Variants in ARK2N observed in about 807,000 individuals in gnomAD.
ARK2N encodes protein ARK2N.
chr18:46,225,500 G>T, the ARK2N span, among the ~76,000 whole-genome samples: 2 of 151,902 alleles, frequency 1.3e-5, no homozygotes, highest in Non-Finnish European at 2.9e-5. Flanking sequence ...GCTTTGTCGC[G>T]CAGGCTGGAG....
At chr18:46,208,362 T>C in the ARK2N span, among the ~76,000 whole-genome samples, 1 of 152,170 alleles carries the variant, frequency 6.6e-6, no homozygotes, top group South Asian at 2.1e-4. Context: ...TGATGCCTTT[T>C]TTCGTGATAA....
chr18:46,220,969 C>T, the ARK2N span, among the ~76,000 whole-genome samples: 1 of 151,998 alleles, frequency 6.6e-6, no homozygotes, highest in South Asian at 2.1e-4. Flanking sequence ...AACCTCATCG[C>T]TACTAGAAAT....
chr18:46,186,845 G>T, the ARK2N span, among the ~76,000 whole-genome samples: 1 of 145,260 alleles, frequency 6.9e-6, no homozygotes, highest in Non-Finnish European at 1.5e-5. Flanking sequence ...AACTATTAAA[G>T]AACTTACTAC....
At chr18:46,212,535 G>A in the ARK2N span, among the ~76,000 whole-genome samples, 14 of 151,786 alleles carry the variant, frequency 9.2e-5, no homozygotes, top group Non-Finnish European at 1.6e-4. Flanking sequence ...TTTTTTTAAT[G>A]GCCACATTGT....
At chr18:46,236,387 G>A in the ARK2N span, among the ~76,000 whole-genome samples, 1 of 152,188 alleles carries the variant, frequency 6.6e-6, no homozygotes, top group Non-Finnish European at 1.5e-5. Flanking sequence ...AATTTGATCA[G>A]GAGGAGAAAT....
chr18:46,193,588 C>T, the ARK2N span, among the ~76,000 whole-genome samples: 2 of 131,500 alleles, frequency 1.5e-5, no homozygotes, highest in African/African-American at 2.8e-5. Context: ...TGCGCCCAGC[C>T]GGGTTTTTTT....
the ARK2N span, among the ~76,000 whole-genome samples, chr18:46,262,761 G>T: frequency 1.3e-5 from 2 of 152,172 alleles, no homozygotes; most frequent in East Asian, 3.9e-4. Context: ...GTGGGGTAGG[G>T]AGAGAGGGAG....
the ARK2N span, among the ~76,000 whole-genome samples, chr18:46,231,572 T>C: frequency 6.8e-6 from 1 of 146,156 alleles, no homozygotes; most frequent in East Asian, 2.0e-4. Flanking sequence ...GGGGCTTTTT[T>C]TTTTTTTTTT....
At chr18:46,257,761 A>G in the ARK2N span, among the ~76,000 whole-genome samples, 1 of 151,684 alleles carries the variant, frequency 6.6e-6, no homozygotes, top group Non-Finnish European at 1.5e-5. Flanking sequence ...ACAGATCTGT[A>G]TGTTATGGAA....
the ARK2N span, chr18:46,239,888 G>C: frequency 3.4e-4 from 319 of 932,998 alleles, 2 homozygotes; most frequent in African/African-American, 4.3e-3. Context: ...ATAAAGTGCA[G>C]CTTTTCTGAT....
the ARK2N span, among the ~76,000 whole-genome samples, chr18:46,182,707 A>G: frequency 2.2e-5 from 1 of 45,060 alleles, no homozygotes; most frequent in African/African-American, 9.1e-5. Context: ...TTTTTTTTGC[A>G]TTTGATAACT....
At chr18:46,176,671 G>A in the ARK2N span, among the ~76,000 whole-genome samples, 2 of 151,786 alleles carry the variant, frequency 1.3e-5, no homozygotes, top group East Asian at 3.9e-4. Flanking sequence ...TGTTGCCCAG[G>A]CTGGAGTGCA....
chr18:46,266,222 A>G, the ARK2N span: 1 of 152,522 alleles, frequency 6.6e-6, no homozygotes, highest in Admixed American at 6.5e-5. Flanking sequence ...CACCATAACT[A>G]ACTTAAAACT....
the ARK2N span, among the ~76,000 whole-genome samples, chr18:46,239,589 A>G: frequency 6.6e-6 from 1 of 152,232 alleles, no homozygotes; most frequent in African/African-American, 2.4e-5. Flanking sequence ...TTACCCAGTA[A>G]GAGAAAGAAC....
the ARK2N span, among the ~76,000 whole-genome samples, chr18:46,192,049 T>C: frequency 2.0e-5 from 3 of 152,346 alleles, no homozygotes. Context: ...ATTCACCTAC[T>C]GAAGGATAGT....
the ARK2N span, among the ~76,000 whole-genome samples, chr18:46,251,641 T>A: frequency 6.6e-6 from 1 of 152,254 alleles, no homozygotes; most frequent in Non-Finnish European, 1.5e-5. Context: ...TTGATTATTT[T>A]TCACAGCTTT....
At chr18:46,252,810 G>C in the ARK2N span, among the ~76,000 whole-genome samples, 21 of 152,292 alleles carry the variant, frequency 1.4e-4, no homozygotes, top group Middle Eastern at 3.4e-3. Flanking sequence ...TTTAGCTCTT[G>C]CTAGAATTGT....
At chr18:46,255,741 G>A in the ARK2N span, among the ~76,000 whole-genome samples, 1 of 151,630 alleles carries the variant, frequency 6.6e-6, no homozygotes, top group African/African-American at 2.4e-5. Flanking sequence ...ATGAGCCACC[G>A]CGCTTGGCCT....
chr18:46,182,276 T>C, the ARK2N span, among the ~76,000 whole-genome samples: 2 of 152,228 alleles, frequency 1.3e-5, no homozygotes, highest in Admixed American at 1.3e-4. Context: ...TTTTCTCTGC[T>C]GAAATCAACT....
Sources: gnomAD v4.1 joint callset for allele counts (sites outside exome capture counted in the v4.1 genomes callset) on GRCh38, gnomAD v4.1.1 for gene constraint, MANE v1.5 for transcripts, NCBI Gene and HGNC (gene_info 2026-07-23, HGNC 2026-07-21) for gene names.